STARD7: variants seen among roughly 807,000 people sequenced by gnomAD.
STARD7 encodes the protein StAR related lipid transfer domain containing 7.
STARD7 carries 30 observed loss-of-function variants against 45.3 expected under a neutral mutation model. The observed-to-expected ratio is 0.66, with a 90% CI of 0.50 to 0.90. The LOEUF (loss-of-function observed/expected upper bound fraction) is 0.90, where lower values mean the gene tolerates loss of function less well. STARD7 is among the 40% of genes least tolerant of loss of function. STARD7 has a pLI of 0.00. For synonymous variants in STARD7, 199 were observed against 183.0 expected (o/e 1.09, Z -0.70); for missense variants, 495 against 491.3 (o/e 1.01, Z -0.07).
chr2:96,201,457 A>C (rs1683302947), intron 1 of STARD7, among the ~76,000 whole-genome samples: 1 of 151,422 alleles, frequency 6.6e-6, no homozygotes, highest in African/African-American at 2.4e-5. Flanking sequence ...GCGTAGTGGC[A>C]TGCAGCTGTA....
In STARD7 at chr2:96,186,537, T is replaced by C. The variant is rs531254818; in HGVS notation, c.*193A>G. The C allele has an allele frequency of 4.5e-6, 2 of 443,790 alleles. No individual in the cohort carries two copies. Among genetic ancestry groups the C allele is most frequent in the East Asian group, 3.5e-5 (1 of 28,390 alleles). The allele number at this position is 443,790 out of a possible 1,614,324, so 27.5% of individuals were successfully genotyped here. ...GAGAATATGACAACACTCCCACAAA[T>C]GTAGCCTTCTTCTGTTTTGATAAGA... On this transcript the variant is annotated 3_prime_UTR_variant, in exon 8 of 8. Transcript: ENST00000337288.
chr2:96,195,572 T>G, intron 1 of STARD7, 23 bp from the exon 2 acceptor site: 1 of 1,588,520 alleles, frequency 6.3e-7, no homozygotes. Context: ...AAAAGAGCCA[T>G]GGTGAGGTGG....
chr2:96,188,896 AAAAAC>A (rs1683079965), intron 6 of STARD7, among the ~76,000 whole-genome samples: 1 of 151,658 alleles, frequency 6.6e-6, no homozygotes, highest in East Asian at 2.0e-4. Flanking sequence ...CTCATCTCAG[AAAAAC>A]AAAACAAAAC....
chr2:96,208,350 A>G lies in STARD7; in HGVS notation c.85T>C (p.Phe29Leu), dbSNP rs767834090. Residue 29 changes from phenylalanine to leucine, a missense_variant, in exon 1 of 8, where the codon TTC (phenylalanine) becomes CTC (leucine). By Grantham distance (22) the Phe-to-Leu change is conservative (BLOSUM62 0). Transcript: ENST00000337288. ...CGCCGCACGCGCAGGCCCGTGACGA[A>G]GCGGCACTGATTGGCCAGAAGCGCC... ...LLALLANQCR[F>L]VTGLRVRRAQ... 1.3e-6 allele frequency: 2 copies of G among 1,590,564 alleles called. No individual in the cohort carries two copies. The highest frequency in any genetic ancestry group is 3.4e-5 in the Admixed American group (2 of 58,428).
intron 7 of STARD7, 114 bp downstream of exon 7, chr2:96,187,103 A>AG (rs1346226174): frequency 2.1e-6 from 2 of 945,058 alleles, no homozygotes; most frequent in African/African-American, 1.7e-5. Context: ...ACTCTGTCTC[A>AG]GAAAAAAAAA....
In STARD7 at chr2:96,208,444, C is replaced by G. The variant is rs919933027; in HGVS notation, c.-10G>C. On this transcript the variant is annotated 5_prime_UTR_variant, in exon 1 of 8. Transcript: ENST00000337288. Reference sequence around the variant, plus strand: ...GCCTCCGCGGGAGCATGCCGCCTCCCGCAGGGCCCGCCGCGAGCTTCCGGG... The same window carrying G: ...GCCTCCGCGGGAGCATGCCGCCTCCGGCAGGGCCCGCCGCGAGCTTCCGGG... The G allele has an allele frequency of 1.9e-5, 26 of 1,360,768 alleles. No homozygotes were observed. The highest frequency in any genetic ancestry group is 2.3e-5 in the Non-Finnish European group (25 of 1,066,920). The allele number at this position is 1,360,768 out of a possible 1,614,324, so 84.3% of individuals were successfully genotyped here. A position where few individuals can be genotyped will look rare whatever the true frequency, so the allele number is the denominator to read the frequency against.
At position 96,208,536 on chromosome 2, in the gene STARD7, A is replaced by C; in HGVS notation, c.-102T>G. Reference sequence around the variant, plus strand: ...GCGTCCCCCTAAATGGCCGGCCACGAACCCGTCTCACGGTCCCGCGGCCAG... The same window carrying C: ...GCGTCCCCCTAAATGGCCGGCCACGCACCCGTCTCACGGTCCCGCGGCCAG... On this transcript the variant is annotated 5_prime_UTR_variant, in exon 1 of 8. Transcript: ENST00000337288. 1.8e-6 allele frequency: 2 copies of C among 1,081,932 alleles called. No individual in the cohort carries two copies. The highest frequency in any genetic ancestry group is 1.2e-6 in the Non-Finnish European group (1 of 818,840). 67.0% of individuals were successfully genotyped at this position (1,081,932 alleles called of 1,614,324 possible). A position where few individuals can be genotyped will look rare whatever the true frequency, so the allele number is the denominator to read the frequency against.
intron 1 of STARD7, among the ~76,000 whole-genome samples, chr2:96,197,121 TA>T (rs1182018636): frequency 1.5e-5 from 2 of 136,382 alleles, no homozygotes; most frequent in African/African-American, 5.4e-5. Flanking sequence ...TAAAATAAAA[TA>T]AAGCCAAGCA....
chr2:96,204,954 G>C (rs564868079), intron 1 of STARD7, among the ~76,000 whole-genome samples: 7 of 152,106 alleles, frequency 4.6e-5, no homozygotes, highest in Non-Finnish European at 1.0e-4. Context: ...AAACTATGAG[G>C]AGGTTAATGG....
At chr2:96,192,611 T>C (rs1019789762) in intron 5 of STARD7, 143 bp from the exon 6 acceptor site, 1 of 662,156 alleles carries the variant, frequency 1.5e-6, no homozygotes, top group Non-Finnish European at 2.7e-6. Context: ...GATGAATAAA[T>C]ACAAACTAAG....
chr2:96,203,660 C>G (rs529350233), intron 1 of STARD7, among the ~76,000 whole-genome samples: 1 of 152,278 alleles, frequency 6.6e-6, no homozygotes, highest in African/African-American at 2.4e-5. Flanking sequence ...ACGGGACACA[C>G]CTAGAAATAA....
At chr2:96,197,073 A>AATAC (rs1683225256) in intron 1 of STARD7, among the ~76,000 whole-genome samples, 1 of 132,144 alleles carries the variant, frequency 7.6e-6, no homozygotes, top group African/African-American at 2.9e-5. Context: ...TCTCAAAATA[A>AATAC]AATAAAATAA....
intron 4 of STARD7, 31 bp from the exon 5 acceptor site, chr2:96,193,191 C>T: frequency 1.9e-6 from 3 of 1,594,932 alleles, no homozygotes; most frequent in Non-Finnish European, 2.6e-6. Flanking sequence ...GATTAGTGTT[C>T]TGCATCACAC....
intron 6 of STARD7, among the ~76,000 whole-genome samples, chr2:96,190,174 T>C (rs1301193481): frequency 1.3e-5 from 2 of 152,114 alleles, no homozygotes; most frequent in African/African-American, 2.4e-5. Flanking sequence ...ATATACAAGA[T>C]GAACCTACAA....
In STARD7 at chr2:96,208,261, G is replaced by C. The variant is rs749697460; in HGVS notation, c.174C>G (p.Leu58=). The change falls in exon 1 of 8, where the codon CTC becomes CTG. Residue 58 remains leucine, a synonymous_variant. Transcript: ENST00000337288. The stretch of plus-strand genomic sequence containing the variant: ...CGTGCAGCCGGCGCCAGAGGCGGCC[G>C]AGGAGAACGCGGCGTGAGCTCTCGG... ...LYSESSRRVL[L]GRLWRRLHGR... 6.2e-7 allele frequency: 1 copy of C among 1,611,940 alleles called. No individual in the cohort carries two copies. Among genetic ancestry groups the C allele is most frequent in the Admixed American group, 1.7e-5 (1 of 59,920 alleles).
intron 1 of STARD7, among the ~76,000 whole-genome samples, chr2:96,199,985 CT>C: frequency 6.6e-6 from 1 of 152,284 alleles, no homozygotes; most frequent in East Asian, 1.9e-4. Flanking sequence ...AAGAACCGAC[CT>C]TGCCGTTCCT....
chr2:96,193,374 T>C (rs1437043524), intron 3 of STARD7, 22 bp from the exon 4 acceptor site: 2 of 1,528,094 alleles, frequency 1.3e-6, no homozygotes, highest in Non-Finnish European at 1.8e-6. Context: ...GAAAAGACCA[T>C]GAATACCCAA....
intron 1 of STARD7, among the ~76,000 whole-genome samples, chr2:96,199,116 C>T (rs1308465123): frequency 6.6e-6 from 1 of 152,192 alleles, no homozygotes; most frequent in African/African-American, 2.4e-5. Flanking sequence ...AGTGAGTCCT[C>T]CAAACTTTGT....
chr2:96,206,560 G>A, intron 1 of STARD7, among the ~76,000 whole-genome samples: 1 of 152,024 alleles, frequency 6.6e-6, no homozygotes, highest in East Asian at 1.9e-4. Context: ...CAGCACTTTG[G>A]GAGGCCGAGG....
Sources: allele counts gnomAD v4.1 joint callset (sites outside exome capture counted in the v4.1 genomes callset), GRCh38; gene constraint gnomAD v4.1.1; transcripts MANE v1.5; gene names NCBI Gene and HGNC (gene_info 2026-07-23, HGNC 2026-07-21).